The following RASSF9 variants were observed in gnomAD, a reference collection of about 807,000 sequenced individuals.
RASSF9 encodes ras association domain-containing protein 9.
A neutral mutation model predicts 21.4 loss-of-function variants in RASSF9; 18 were observed. The observed-to-expected ratio is 0.84, with a 90% CI of 0.58 to 1.25. RASSF9 has a LOEUF of 1.25. Ranked by LOEUF, RASSF9 falls within the 50% of genes most tolerant of loss-of-function variation. The pLI is 0.00. For missense variants in RASSF9, 480 were observed against 503.2 expected, an observed-to-expected ratio of 0.95 and a Z score of 0.44; for synonymous variants, 183 against 179.1, an observed-to-expected ratio of 1.02 and a Z score of -0.18.
At chr12:85,821,789 C>A (rs892074643) in intron 1 of RASSF9, among the ~76,000 whole-genome samples, 4 of 151,884 alleles carry the variant, frequency 2.6e-5, no homozygotes, top group African/African-American at 7.3e-5. Flanking sequence ...CCATAGTGGC[C>A]GGGTAGCTAT....
chr12:85,825,716 C>A (rs1880318817), intron 1 of RASSF9, among the ~76,000 whole-genome samples: 1 of 151,884 alleles, frequency 6.6e-6, no homozygotes, highest in East Asian at 1.9e-4. Flanking sequence ...TATTGAACTT[C>A]AATATCTACA....
chr12:85,825,165 A>G (rs1427982943), intron 1 of RASSF9, among the ~76,000 whole-genome samples: 5 of 152,016 alleles, frequency 3.3e-5, no homozygotes, highest in Non-Finnish European at 1.5e-5. Context: ...ACTATGCCTG[A>G]TTAATTTTTG....
At chr12:85,816,684 T>A (rs1033023129) in intron 1 of RASSF9, among the ~76,000 whole-genome samples, 1 of 152,136 alleles carries the variant, frequency 6.6e-6, no homozygotes. Flanking sequence ...TATGAAATAA[T>A]AATACAGAGA....
intron 1 of RASSF9, among the ~76,000 whole-genome samples, chr12:85,806,346 G>C (rs1192979176): frequency 6.7e-6 from 1 of 150,330 alleles, no homozygotes; most frequent in East Asian, 2.0e-4. Flanking sequence ...CACTGCGCCT[G>C]GCCGAGAGAA....
At chr12:85,822,241 C>T (rs1880227322) in intron 1 of RASSF9, among the ~76,000 whole-genome samples, 1 of 151,950 alleles carries the variant, frequency 6.6e-6, no homozygotes. Flanking sequence ...CTTATATTTA[C>T]CTGCAACCAC....
At position 85,836,326 on chromosome 12, in the gene RASSF9, G is replaced by T; in HGVS notation, c.-125C>A. ...CTTTCTCTTCTCCTCGGATGTTCCT[G>T]GCTTTCAGCTCATTAGTAGCCGGCT... On this transcript the variant is annotated 5_prime_UTR_variant, in exon 1 of 2. Transcript: ENST00000361228. 6.6e-7 allele frequency: 1 copy of T among 1,518,106 alleles called. No homozygotes were observed. The highest frequency in any genetic ancestry group is 8.8e-7 in the Non-Finnish European group (1 of 1,132,130). 94.0% of individuals were successfully genotyped at this position (1,518,106 alleles called of 1,614,324 possible). A position where few individuals can be genotyped will look rare whatever the true frequency, so the allele number is the denominator to read the frequency against.
At chr12:85,817,458 G>C (rs1470982547) in intron 1 of RASSF9, among the ~76,000 whole-genome samples, 1 of 151,842 alleles carries the variant, frequency 6.6e-6, no homozygotes, top group Non-Finnish European at 1.5e-5. Context: ...AGTTGTCTTT[G>C]TAATTAGAGA....
At chr12:85,835,086 T>C (rs2136566385) in intron 1 of RASSF9, among the ~76,000 whole-genome samples, 1 of 152,218 alleles carries the variant, frequency 6.6e-6, no homozygotes, top group South Asian at 2.1e-4. Flanking sequence ...AGTAGACATG[T>C]GTGCGCAAAA....
chr12:85,819,101 G>C (rs1388258995), intron 1 of RASSF9, among the ~76,000 whole-genome samples: 1 of 151,742 alleles, frequency 6.6e-6, no homozygotes, highest in Non-Finnish European at 1.5e-5. Flanking sequence ...TTTCTTCATG[G>C]TATTGTAAAC....
intron 1 of RASSF9, among the ~76,000 whole-genome samples, chr12:85,824,551 T>C (rs949003029): frequency 6.6e-5 from 10 of 152,198 alleles, no homozygotes; most frequent in Non-Finnish European, 1.5e-4. Context: ...AATCTATTTT[T>C]TAAATTTTTT....
At position 85,801,354 on chromosome 12, in the gene RASSF9, T is replaced by C. The variant is rs1879695382; in HGVS notation, c.*3348A>G. On this transcript the variant is annotated 3_prime_UTR_variant, in exon 2 of 2. Transcript: ENST00000361228. ...GTCTGCTAAAATACGTATTCATTCA[T>C]GTACAAAATGTACAAGCATCATTTA... The C allele has an allele frequency of 1.3e-5, 2 of 152,138 alleles. No homozygotes were observed. Among genetic ancestry groups the C allele is most frequent in the African/African-American group, 2.4e-5 (1 of 41,404 alleles). 9.4% of individuals were successfully genotyped at this position (152,138 alleles called of 1,614,324 possible).
At chr12:85,806,672 CAAAAAAAAAAAAA>C (rs71076150) in intron 1 of RASSF9, among the ~76,000 whole-genome samples, 21 of 54,832 alleles carry the variant, frequency 3.8e-4, no homozygotes, top group East Asian at 1.4e-3. Flanking sequence ...GACTCCATCT[CAAAAAAAAAAAAA>C]AAAAAAAAAA....
chr12:85,807,288 G>A (rs1879856673), intron 1 of RASSF9, among the ~76,000 whole-genome samples: 1 of 152,114 alleles, frequency 6.6e-6, no homozygotes, highest in Non-Finnish European at 1.5e-5. Context: ...GCTGCTGGTG[G>A]GAAGGAGAGA....
intron 1 of RASSF9, among the ~76,000 whole-genome samples, chr12:85,829,874 G>A (rs1880411973): frequency 6.6e-6 from 1 of 152,022 alleles, no homozygotes; most frequent in East Asian, 1.9e-4. Flanking sequence ...CCCTGTCAAA[G>A]ATAGTTTTCC....
intron 1 of RASSF9, among the ~76,000 whole-genome samples, chr12:85,819,116 A>G (rs1005325851): frequency 1.4e-5 from 2 of 146,438 alleles, no homozygotes; most frequent in Non-Finnish European, 2.9e-5. Context: ...GTAAACCTAC[A>G]AAAAAATATA....
intron 1 of RASSF9, among the ~76,000 whole-genome samples, chr12:85,819,880 A>G: frequency 6.6e-6 from 1 of 152,236 alleles, no homozygotes; most frequent in East Asian, 1.9e-4. Flanking sequence ...ATTTAAATAT[A>G]CAAAGCTAAA....
chr12:85,801,768 T>C lies in RASSF9; in HGVS notation c.*2934A>G, dbSNP rs372504615. On this transcript the variant is annotated 3_prime_UTR_variant, in exon 2 of 2. Coordinates refer to ENST00000361228, the MANE Select transcript of RASSF9 (RefSeq NM_005447.4). ...AGGCGGAGCTTGCAGTGAGCCAAGA[T>C]CGCGCCACTGCACTCCAGCCTGGGC... The C allele has an allele frequency of 6.6e-6, 1 of 151,944 alleles. No individual in the cohort carries two copies. The allele number at this position is 151,944 out of a possible 1,614,324, so 9.4% of individuals were successfully genotyped here.
intron 1 of RASSF9, among the ~76,000 whole-genome samples, chr12:85,829,598 C>A (rs1592534449): frequency 6.6e-6 from 1 of 151,924 alleles, no homozygotes; most frequent in East Asian, 1.9e-4. Context: ...ATGATTCAGC[C>A]CCCTCCTACA....
chr12:85,801,475 T>C lies in RASSF9; in HGVS notation c.*3227A>G, dbSNP rs1879698402. 1 of 152,020 alleles carries C rather than the reference T, an allele frequency of 6.6e-6. No individual in the cohort carries two copies. Among genetic ancestry groups the C allele is most frequent in the African/African-American group, 2.4e-5 (1 of 41,388 alleles). The allele number at this position is 152,020 out of a possible 1,614,324, so 9.4% of individuals were successfully genotyped here. A position where few individuals can be genotyped will look rare whatever the true frequency, so the allele number is the denominator to read the frequency against. ...AGGGAGCAGGGGGCAAAGAAGTTAA[T>C]AGGAAAGAGTAAGGCTAACAAGACA... On this transcript the variant is annotated 3_prime_UTR_variant, in exon 2 of 2. Transcript: ENST00000361228.
Sources: allele counts gnomAD v4.1 joint callset (sites outside exome capture counted in the v4.1 genomes callset), GRCh38; gene constraint gnomAD v4.1.1; transcripts MANE v1.5; gene names NCBI Gene and HGNC (gene_info 2026-07-23, HGNC 2026-07-21).